The following PRKD2 variants were observed in gnomAD, a reference collection of about 807,000 sequenced individuals.
PRKD2 encodes the protein protein kinase D2.
Under a neutral mutation model 86.0 loss-of-function variants are expected in PRKD2, and 22 were observed. That is an observed-to-expected ratio of 0.26 (90% CI 0.18 to 0.37). The LOEUF (loss-of-function observed/expected upper bound fraction) is 0.37, where lower values mean the gene tolerates loss of function less well. Among genes scored for constraint, PRKD2 ranks in the 10% least tolerant of loss-of-function variants. PRKD2 has a pLI of 1.00. For synonymous variants in PRKD2, 509 were observed against 510.9 expected (o/e 1.00, Z 0.05); for missense variants, 818 against 1,199.2 (o/e 0.68, Z 4.70).
chr19:46,681,697 A>G lies in PRKD2; in HGVS notation c.2023T>C (p.Leu675=). The change falls in exon 15 of 18, where the codon TTG becomes CTG. Residue 675 remains leucine, a synonymous_variant. Transcript: ENST00000291281. Reference sequence around the variant, plus strand: ...GCCAGCAACACGTTTTCTGGTTTCAAGTCACAGTGGACAATGTTCTTGAAG... The same window carrying G: ...GCCAGCAACACGTTTTCTGGTTTCAGGTCACAGTGGACAATGTTCTTGAAG... ...LHFKNIVHCD[L]KPENVLLASA... 1.2e-6 allele frequency: 2 copies of G among 1,613,298 alleles called. No individual in the cohort carries two copies. Among genetic ancestry groups the G allele is most frequent in the South Asian group, 2.2e-5 (2 of 91,064 alleles).
In PRKD2 at chr19:46,710,978, C is replaced by T; in HGVS notation, c.440G>A (p.Arg147Gln). 1 of 1,577,508 alleles carries T rather than the reference C, an allele frequency of 6.3e-7. No individual in the cohort carries two copies. The highest frequency in any genetic ancestry group is 8.6e-7 in the Non-Finnish European group (1 of 1,161,626). Residue 147 changes from arginine to glutamine, a missense_variant, in exon 3 of 18, where the codon CGG becomes CAG. This residue lies in a region of PRKD2 where 403 missense variants were observed against 518.6 expected (regional missense o/e 0.78). Transcript: ENST00000291281. The stretch of plus-strand genomic sequence containing the variant: ...GCAGTGATCACAGAAGGCAGGCGCC[C>T]GATAGGAGTGCACCGTGAGGGCGTG... ...RPHALTVHSY[R>Q]APAFCDHCGE...
chr19:46,697,681 C>CG, intron 8 of PRKD2, 52 bp downstream of exon 8: 1 of 1,535,420 alleles, frequency 6.5e-7, no homozygotes, highest in Non-Finnish European at 9.0e-7. Flanking sequence ...AGCTGAGCCG[C>CG]CCCTCTTCCA....
chr19:46,704,137 C>T (rs763662190), intron 5 of PRKD2, 32 bp downstream of exon 5: 20 of 1,612,124 alleles, frequency 1.2e-5, no homozygotes, highest in Admixed American at 1.7e-5. Flanking sequence ...AGGTTCTGAC[C>T]CTGTCTGTCC....
chr19:46,692,348 C>T (rs2053495208), intron 10 of PRKD2, among the ~76,000 whole-genome samples: 1 of 152,014 alleles, frequency 6.6e-6, no homozygotes, highest in Admixed American at 6.6e-5. Context: ...AGGGAAAGCC[C>T]AGACTGACTC....
chr19:46,681,121 T>A (rs1291043932), intron 15 of PRKD2, among the ~76,000 whole-genome samples: 1 of 148,654 alleles, frequency 6.7e-6, no homozygotes, highest in Non-Finnish European at 1.5e-5. Context: ...GCCCCGCTAA[T>A]TTTTTTTTGT....
At position 46,704,592 on chromosome 19, in the gene PRKD2, C is replaced by T. The variant is rs1443778046; in HGVS notation, c.569G>A (p.Gly190Glu). The change falls in exon 4 of 18, where the codon GGG becomes GAG. Residue 190 changes from glycine to glutamate, a missense_variant. By Grantham distance (98) the Gly-to-Glu change is moderately conservative. Coordinates refer to ENST00000291281, the MANE Select transcript of PRKD2 (RefSeq NM_016457.5). ...CAFSIPNNCS[G>E]ARKRRLSSTS... The stretch of plus-strand genomic sequence containing the variant: ...GGATGACAGGCGCCGTTTGCGGGCC[C>T]CACTACAGTTGTTGGGGATGCTGAA... The T allele has an allele frequency of 2.5e-6, 4 of 1,613,840 alleles. No individual in the cohort carries two copies. The highest frequency in any genetic ancestry group is 1.7e-5 in the Admixed American group (1 of 59,968).
In PRKD2 at chr19:46,704,642, C is replaced by T; in HGVS notation, c.519G>A (p.Gly173=). Reference sequence around the variant, plus strand: ...AGGCACAGCGCTTGTGGTAGTTCAGCCCGCAGCCTGCAGGGGGCGCCAGAG... The same window carrying T: ...AGGCACAGCGCTTGTGGTAGTTCAGTCCGCAGCCTGCAGGGGGCGCCAGAG... The part of the protein sequence containing the change: ...VRQGLKCDGC[G]LNYHKRCAFS... The change falls in exon 4 of 18, where the codon GGG becomes GGA. Residue 173 remains glycine (G), a synonymous_variant. Transcript: ENST00000291281. The T allele has an allele frequency of 6.2e-7, 1 of 1,605,016 alleles. No homozygotes were observed. Among genetic ancestry groups the T allele is most frequent in the Non-Finnish European group, 8.5e-7 (1 of 1,174,694 alleles).
intron 2 of PRKD2, among the ~76,000 whole-genome samples, chr19:46,711,943 C>G (rs1347590237): frequency 6.6e-6 from 1 of 151,762 alleles, no homozygotes. Flanking sequence ...TGCCGCGTGC[C>G]TGTAATCCCA....
At chr19:46,705,644 G>A (rs1000854469) in intron 3 of PRKD2, among the ~76,000 whole-genome samples, 1 of 151,992 alleles carries the variant, frequency 6.6e-6, no homozygotes, top group Admixed American at 6.6e-5. Context: ...AAACTTAGCC[G>A]GGTGTAGTGG....
chr19:46,681,332 G>A (rs1028865930), intron 15 of PRKD2, among the ~76,000 whole-genome samples: 1 of 150,326 alleles, frequency 6.7e-6, no homozygotes, highest in Non-Finnish European at 1.5e-5. Context: ...ATAGCTCACT[G>A]CAGCCACCAA....
Position 46,674,317 on chromosome 19 carries a change from G to A in PRKD2, c.*206C>T. On this transcript the variant is annotated 3_prime_UTR_variant, in exon 18 of 18. Coordinates refer to ENST00000291281, the MANE Select transcript of PRKD2 (RefSeq NM_016457.5). ...GAGTAATGATTCGAGAGTGCCGTGT[G>A]CTGAGATCAAGGCCATGGGGCCAGA... 1.7e-6 allele frequency: 1 copy of A among 588,470 alleles called. No homozygotes were observed. The allele number at this position is 588,470 out of a possible 1,614,324, so 36.5% of individuals were successfully genotyped here.
chr19:46,676,610 G>A (rs1452938456), intron 16 of PRKD2, among the ~76,000 whole-genome samples: 1 of 152,242 alleles, frequency 6.6e-6, no homozygotes, highest in Non-Finnish European at 1.5e-5. Context: ...AGGCTTCACT[G>A]TATGAACCCA....
intron 16 of PRKD2, among the ~76,000 whole-genome samples, chr19:46,675,817 G>A (rs1045582988): frequency 6.6e-6 from 1 of 150,920 alleles, no homozygotes; most frequent in South Asian, 2.1e-4. Flanking sequence ...CCAAGCTGAA[G>A]TGCAGTGGCG....
Position 46,691,903 on chromosome 19 carries a change from G to C in PRKD2, c.1629+30C>G, listed in dbSNP as rs751168067. On this transcript the variant is annotated intron_variant, in intron 11 of 17. Transcript: ENST00000291281. Reference sequence around the variant, plus strand: ...GAGCTGAGGAGGGTTTGTGGGAGGGGAGGGCATCAGGTGGGGGCAGGAGTC... The same window carrying C: ...GAGCTGAGGAGGGTTTGTGGGAGGGCAGGGCATCAGGTGGGGGCAGGAGTC... The C allele has an allele frequency of 1.9e-6, 3 of 1,612,496 alleles. No individual in the cohort carries two copies. In the African/African-American group the frequency reaches 4.0e-5, roughly 22 times the overall value.
Position 46,690,580 on chromosome 19 carries a change from G to A in PRKD2, c.1809+20C>T. 2 of 1,611,772 alleles carry A rather than the reference G, an allele frequency of 1.2e-6. No individual in the cohort carries two copies. Among genetic ancestry groups the A allele is most frequent in the Non-Finnish European group, 1.7e-6 (2 of 1,177,898 alleles). On this transcript the variant is annotated intron_variant, in intron 13 of 17. Coordinates refer to ENST00000291281, the MANE Select transcript of PRKD2 (RefSeq NM_016457.5). ...CCCATGAAAGGAAGAAGCAGAAAGG[G>A]AAGGCGGCCTGGTGGTTACCTGCAG...
At chr19:46,699,666 A>C (rs766767229) in intron 7 of PRKD2, among the ~76,000 whole-genome samples, 9 of 152,150 alleles carry the variant, frequency 5.9e-5, no homozygotes, top group Non-Finnish European at 1.2e-4. Context: ...CCCAGATAGG[A>C]AGTGCCTGAT....
chr19:46,695,234 C>G (rs1428889045), intron 9 of PRKD2, among the ~76,000 whole-genome samples: 1 of 152,070 alleles, frequency 6.6e-6, no homozygotes, highest in Non-Finnish European at 1.5e-5. Flanking sequence ...TGCCTGTAAT[C>G]CCAACACTTT....
At chr19:46,687,932 G>C (rs186738751) in intron 14 of PRKD2, among the ~76,000 whole-genome samples, 1 of 152,084 alleles carries the variant, frequency 6.6e-6, no homozygotes, top group Non-Finnish European at 1.5e-5. Flanking sequence ...GCAGTGGCAC[G>C]GTCATAGCTC....
rs572560921 is a variant in PRKD2 at position 46,715,691 on chromosome 19, CT to C, written c.240+439del. On this transcript the variant is annotated intron_variant, in intron 1 of 17. Coordinates refer to ENST00000291281, the MANE Select transcript of PRKD2 (RefSeq NM_016457.5). ...TTGGGCTCCGAGACCTCACTTGCCCCTGGCAGCTAACTCAAGCACCTGCACC... is the reference window on the plus strand; with the variant it reads ...TTGGGCTCCGAGACCTCACTTGCCCCGGCAGCTAACTCAAGCACCTGCACC... Among the ~76,000 whole-genome samples, 205 of 152,146 alleles carry C rather than the reference CT, an allele frequency of 1.3e-3. 2 individuals are homozygous for C. The South Asian group carries it at 0.014, about 10-fold the overall frequency.
Sources: allele counts gnomAD v4.1 joint callset (sites outside exome capture counted in the v4.1 genomes callset), GRCh38; gene constraint gnomAD v4.1.1; regional missense constraint gnomAD v4.1.1; transcripts MANE v1.5; gene names NCBI Gene and HGNC (gene_info 2026-07-23, HGNC 2026-07-21).